EVA1C: variants seen among roughly 807,000 people sequenced by gnomAD.
EVA1C encodes the protein eva-1 homolog C, also known as protein eva-1 homolog C.
EVA1C carries 25 observed loss-of-function variants against 45.4 expected under a neutral mutation model. The ratio of observed to expected loss-of-function variants is 0.55; its 90% CI spans 0.40 to 0.77. EVA1C has a LOEUF of 0.77. Ranked by LOEUF, EVA1C falls within the 30% of genes least tolerant of loss-of-function variation. The pLI, the probability that EVA1C is intolerant of heterozygous loss-of-function variation, is 0.00. For synonymous variants in EVA1C, 190 were observed against 221.2 expected (o/e 0.86, Z 1.25); for missense variants, 479 against 554.8 (o/e 0.86, Z 1.37).
At chr21:32,482,459 G>C (rs569895476) in intron 4 of EVA1C, among the ~76,000 whole-genome samples, 1 of 152,100 alleles carries the variant, frequency 6.6e-6, no homozygotes, top group Admixed American at 6.6e-5. Context: ...ACCCCTTCAC[G>C]GTTCTCCAAT....
chr21:32,449,466 G>A (rs555705750), intron 1 of EVA1C, among the ~76,000 whole-genome samples: 1 of 152,346 alleles, frequency 6.6e-6, no homozygotes, highest in East Asian at 1.9e-4. Context: ...GAATCAGACA[G>A]TACACAGCCT....
intron 1 of EVA1C, among the ~76,000 whole-genome samples, chr21:32,446,690 T>C (rs540214729): frequency 1.3e-5 from 2 of 152,302 alleles, no homozygotes; most frequent in South Asian, 4.1e-4. Flanking sequence ...AAGGACAACC[T>C]TGGCAGCTGG....
At chr21:32,477,214 G>A (rs1409882759) in intron 4 of EVA1C, among the ~76,000 whole-genome samples, 11 of 152,062 alleles carry the variant, frequency 7.2e-5, no homozygotes, top group Admixed American at 7.2e-4. Context: ...ACATCAAGAT[G>A]ACAGATACCA....
chr21:32,481,933 A>G (rs978778231), intron 4 of EVA1C, among the ~76,000 whole-genome samples: 1 of 152,310 alleles, frequency 6.6e-6, no homozygotes, highest in East Asian at 1.9e-4. Context: ...AAGGGAGCAA[A>G]GAGAGCATGT....
chr21:32,497,732 T>C (rs2037399348), intron 5 of EVA1C, among the ~76,000 whole-genome samples: 1 of 152,120 alleles, frequency 6.6e-6, no homozygotes, highest in South Asian at 2.1e-4. Context: ...TAATTGGACT[T>C]ACAGTTCCAC....
intron 4 of EVA1C, among the ~76,000 whole-genome samples, chr21:32,479,880 G>A (rs937087428): frequency 1.3e-5 from 2 of 150,772 alleles, no homozygotes; most frequent in Non-Finnish European, 2.9e-5. Context: ...TAGCCTTAAG[G>A]AATATGGTCA....
intron 6 of EVA1C, among the ~76,000 whole-genome samples, chr21:32,502,202 G>A (rs377147092): frequency 3.3e-5 from 5 of 151,858 alleles, no homozygotes; most frequent in South Asian, 2.1e-4. Context: ...GGGTTCAAGC[G>A]ATTCTCCTGC....
intron 3 of EVA1C, 39 bp from the exon 4 acceptor site, chr21:32,467,657 G>C (rs1306143918): frequency 6.3e-7 from 1 of 1,574,988 alleles, no homozygotes; most frequent in African/African-American, 1.4e-5. Flanking sequence ...TCCTTCTGGG[G>C]GAAGCTGATG....
chr21:32,441,976 C>T (rs1347877388), intron 1 of EVA1C, among the ~76,000 whole-genome samples: 6 of 152,132 alleles, frequency 3.9e-5, no homozygotes, highest in Non-Finnish European at 5.9e-5. Flanking sequence ...AGTGGAGGGT[C>T]ACAAGGGGTC....
At chr21:32,492,685 T>G (rs1487439373) in intron 4 of EVA1C, among the ~76,000 whole-genome samples, 1 of 147,698 alleles carries the variant, frequency 6.8e-6, no homozygotes, top group Non-Finnish European at 1.5e-5. Flanking sequence ...TCGGCCCACC[T>G]CAAATGCAGG....
At chr21:32,439,419 G>A (rs1284670959) in intron 1 of EVA1C, among the ~76,000 whole-genome samples, 2 of 152,146 alleles carry the variant, frequency 1.3e-5, no homozygotes, top group Admixed American at 6.5e-5. Flanking sequence ...TATGAAGCTG[G>A]AGGCCAGGCC....
chr21:32,496,871 T>C, intron 5 of EVA1C: 1 of 998,346 alleles, frequency 1.0e-6, no homozygotes. Context: ...TCTGGAGATA[T>C]ATTCAGAGTT....
intron 5 of EVA1C, among the ~76,000 whole-genome samples, chr21:32,498,840 A>G (rs1202775078): frequency 6.6e-6 from 1 of 152,162 alleles, no homozygotes; most frequent in African/African-American, 2.4e-5. Context: ...TTTCACCAAC[A>G]TATCTGAAGT....
At chr21:32,448,546 G>A (rs1314304179) in intron 1 of EVA1C, among the ~76,000 whole-genome samples, 8 of 152,034 alleles carry the variant, frequency 5.3e-5, no homozygotes, top group African/African-American at 1.9e-4. Context: ...TCCTGGGGCC[G>A]AGGTGATAAG....
chr21:32,429,721 A>G (rs1419352607), intron 1 of EVA1C, among the ~76,000 whole-genome samples: 1 of 152,216 alleles, frequency 6.6e-6, no homozygotes, highest in Admixed American at 6.5e-5. Context: ...AGACTTTAGA[A>G]CAGAGCTGTC....
At position 32,476,715 on chromosome 21, in the gene EVA1C, G is replaced by A. The variant is rs148793212; in HGVS notation, c.634+8867G>A. ...AGGGGCATGTGTGTGATCCCCCCAA[G>A]TTATCGGTGTGACTCCATCCTGCCC... is the stretch of plus-strand genomic sequence containing the variant. On this transcript the variant is annotated intron_variant, in intron 4 of 7. Coordinates refer to ENST00000300255, the MANE Select transcript of EVA1C (RefSeq NM_058187.5). Among the ~76,000 whole-genome samples, 58 of 152,178 alleles carry A rather than the reference G, an allele frequency of 3.8e-4. No homozygotes were observed. In the East Asian group the frequency reaches 0.011, roughly 28 times the overall value.
chr21:32,503,876 C>G lies in EVA1C; in HGVS notation c.860-50C>G, dbSNP rs141022281. The G allele has an allele frequency of 5.2e-4, 682 of 1,313,962 alleles. 5 individuals are homozygous for G. In the African/African-American group the frequency reaches 9.0e-3, roughly 17 times the overall value. 81.4% of individuals were successfully genotyped at this position (1,313,962 alleles called of 1,614,324 possible). On this transcript the variant is annotated intron_variant, in intron 6 of 7. Transcript: ENST00000300255. The stretch of plus-strand genomic sequence containing the variant: ...AGCAGCAGGGGTGTCTTAGAATAGG[C>G]GTACTATGAACAGCTGTGATTAATT...
intron 4 of EVA1C, among the ~76,000 whole-genome samples, chr21:32,475,060 G>A (rs368090718): frequency 2.5e-4 from 38 of 152,320 alleles, no homozygotes; most frequent in Non-Finnish European, 4.4e-4. Context: ...ATGTGAGAGC[G>A]AGGGGTTGGT....
chr21:32,492,569 C>G (rs8131560), intron 4 of EVA1C, among the ~76,000 whole-genome samples: 67,475 of 151,832 alleles, frequency 0.44, 15,632 homozygotes, highest in East Asian at 0.54. Flanking sequence ...GCCCCTGTGC[C>G]TTCATACTCT....
Sources: gnomAD v4.1 joint callset for allele counts (sites outside exome capture counted in the v4.1 genomes callset) on GRCh38, gnomAD v4.1.1 for gene constraint, MANE v1.5 for transcripts, NCBI Gene and HGNC (gene_info 2026-07-23, HGNC 2026-07-21) for gene names.